Variants in SPTB observed in about 807,000 individuals in gnomAD.
The protein encoded by SPTB is spectrin beta, erythrocytic.
SPTB carries 45 observed loss-of-function variants against 256.2 expected under a neutral mutation model. The ratio of observed to expected loss-of-function variants is 0.18; its 90% CI spans 0.14 to 0.23. The LOEUF is 0.23. SPTB is among the 10% of genes least tolerant of loss of function. The probability of loss-of-function intolerance (pLI) is 1.00; values close to 1 mark genes in which losing one functional copy is unlikely to be tolerated. For synonymous variants in SPTB, 1,231 were observed against 1,243.1 expected, an observed-to-expected ratio of 0.99 and a Z score of 0.21; for missense variants, 2,715 against 3,040.4, an observed-to-expected ratio of 0.89 and a Z score of 2.52.
intron 1 of SPTB, among the ~76,000 whole-genome samples, chr14:64,876,114 G>A (rs1041730038): frequency 6.6e-6 from 1 of 152,020 alleles, no homozygotes; most frequent in Non-Finnish European, 1.5e-5. Flanking sequence ...ATAGGCATAA[G>A]CCACTATACC....
intron 2 of SPTB, among the ~76,000 whole-genome samples, chr14:64,818,564 C>T (rs568726633): frequency 6.6e-6 from 1 of 152,252 alleles, no homozygotes; most frequent in Non-Finnish European, 1.5e-5. Context: ...GGAGTCTGTA[C>T]CCAGGTGCAG....
intron 20 of SPTB, 50 bp downstream of exon 20, chr14:64,782,240 C>T (rs1594769701): frequency 6.2e-7 from 1 of 1,613,718 alleles, no homozygotes; most frequent in Middle Eastern, 1.6e-4. Context: ...AGACTGGCTT[C>T]CACTATCCCT....
intron 28 of SPTB, 114 bp from the exon 29 acceptor site, chr14:64,769,232 A>G: frequency 9.4e-7 from 1 of 1,060,510 alleles, no homozygotes; most frequent in South Asian, 1.3e-5. Flanking sequence ...CCCTGGCTTC[A>G]AGTCTTGGCC....
intron 3 of SPTB, among the ~76,000 whole-genome samples, chr14:64,804,563 T>A (rs760704279): frequency 5.3e-5 from 8 of 151,710 alleles, no homozygotes; most frequent in Non-Finnish European, 1.0e-4. Context: ...CTTGCAAGGG[T>A]GGTAAAACAC....
chr14:64,758,737 CA>C lies in SPTB; in HGVS notation c.6346-4945del, dbSNP rs2082051806. 6.6e-6 allele frequency among the ~76,000 whole-genome samples: 1 copy of C among 152,196 alleles called. No individual in the cohort carries two copies. The highest frequency in any genetic ancestry group is 2.1e-4 in the South Asian group (1 of 4,832). On this transcript the variant is annotated intron_variant, in intron 32 of 35. Coordinates refer to ENST00000644917, the MANE Select transcript of SPTB (RefSeq NM_001355436.2). The surrounding 1 kb of genome is among the most constrained non-coding windows in gnomAD (Gnocchi z 4.6). ...GGGAAAGTGCACAAACAGCAGAGAG[CA>C]AGCTGGAGGGATGGCCAGATGCTGC...
In SPTB at chr14:64,786,249, G is replaced by T. The variant is rs1282373255; in HGVS notation, c.3561+155C>A. Among the ~76,000 whole-genome samples the T allele has an allele frequency of 4.6e-5, 7 of 152,168 alleles. No individual in the cohort carries two copies. Among genetic ancestry groups the T allele is most frequent in the Non-Finnish European group, 5.9e-5 (4 of 68,034 alleles). ...AGTTTGGGACACAAGGCTGGAAAAG[G>T]CCCCTAATGAGAAACAAAGATTTCC... On this transcript the variant is annotated intron_variant, in intron 16 of 35. Transcript: ENST00000644917. This position sits in a 1 kb window ranked among gnomAD's most constrained non-coding sequence, Gnocchi z 5.6.
Position 64,801,839 on chromosome 14 carries a change from A to G in SPTB, c.567-5T>C, listed in dbSNP as rs1454666273. ...GTGACATTAACATGAGGGTAGCTGC[A>G]TCCAAGAGAAACAGTAAGAGCTAAG... On this transcript the variant is annotated splice_region_variant and splice_polypyrimidine_tract_variant and intron_variant, in intron 5 of 35. Coordinates refer to ENST00000644917, the MANE Select transcript of SPTB (RefSeq NM_001355436.2). 1.9e-6 allele frequency: 3 copies of G among 1,613,790 alleles called. No homozygotes were observed. The African/African-American group carries it at 4.0e-5, about 22-fold the overall frequency.
At chr14:64,788,638 C>T (rs781290244) in intron 15 of SPTB, among the ~76,000 whole-genome samples, 1 of 152,170 alleles carries the variant, frequency 6.6e-6, no homozygotes, top group Non-Finnish European at 1.5e-5. Context: ...CTGGCTGTGT[C>T]CCCAGGCAAG....
At chr14:64,804,198 C>G (rs1430282413) in intron 3 of SPTB, among the ~76,000 whole-genome samples, 1 of 152,222 alleles carries the variant, frequency 6.6e-6, no homozygotes, top group African/African-American at 2.4e-5. Flanking sequence ...CAACCTTCTC[C>G]TCTCCCCCAG....
chr14:64,791,931 C>T, intron 14 of SPTB, 75 bp from the exon 15 acceptor site: 1 of 1,591,100 alleles, frequency 6.3e-7, no homozygotes, highest in Non-Finnish European at 8.6e-7. Context: ...CACCCCCAGT[C>T]TCCAGAACAT....
At chr14:64,753,306 A>T (rs2081976851) in intron 33 of SPTB, among the ~76,000 whole-genome samples, 1 of 152,206 alleles carries the variant, frequency 6.6e-6, no homozygotes, top group African/African-American at 2.4e-5. Context: ...AGGTTGAGTA[A>T]CTTGCATGAA....
chr14:64,746,626 G>A lies in SPTB; in HGVS notation c.*2680C>T, dbSNP rs934888081. The A allele has an allele frequency of 6.6e-6, 1 of 152,446 alleles. No individual in the cohort carries two copies. Among genetic ancestry groups the A allele is most frequent in the Non-Finnish European group, 1.5e-5 (1 of 68,080 alleles). The allele number at this position is 152,446 out of a possible 1,614,324, so 9.4% of individuals were successfully genotyped here. On this transcript the variant is annotated 3_prime_UTR_variant, in exon 36 of 36. Transcript: ENST00000644917. This position sits in a 1 kb window ranked among gnomAD's most constrained non-coding sequence, Gnocchi z 4.9. ...AGGAGGGATGCGGAGGAGAGGCTGA[G>A]CCTTCCACGGGCCTCCTGTTAGGGG...
At position 64,844,122 on chromosome 14, in the gene SPTB, G is replaced by C. The variant is rs2083650197; in HGVS notation, c.-51-20977C>G. On this transcript the variant is annotated intron_variant, in intron 1 of 35. Transcript: ENST00000644917. This position sits in a 1 kb window ranked among gnomAD's most constrained non-coding sequence, Gnocchi z 4.1. ...ACCCATCCTCAAAATGGTACACCCA[G>C]GCTGGGTAGAGAATCTTCACGAAGA... Among the ~76,000 whole-genome samples the C allele has an allele frequency of 6.6e-6, 1 of 152,182 alleles. No homozygotes were observed. Among genetic ancestry groups the C allele is most frequent in the Admixed American group, 6.5e-5 (1 of 15,280 alleles).
chr14:64,769,370 G>A (rs2082243083), intron 28 of SPTB, among the ~76,000 whole-genome samples: 1 of 152,198 alleles, frequency 6.6e-6, no homozygotes, highest in Admixed American at 6.5e-5. Flanking sequence ...CCGGTTATGA[G>A]GCTGCTCTCC....
rs2083346644 is a variant in SPTB, at chr14:64,824,458, G to A, written c.-51-1313C>T. Among the ~76,000 whole-genome samples the A allele has an allele frequency of 6.6e-6, 1 of 152,286 alleles. No individual in the cohort carries two copies. The highest frequency in any genetic ancestry group is 1.9e-4 in the East Asian group (1 of 5,182). ...TGGTCTTCAATGCCCTGGACCCTAG[G>A]AAAACTATTAGCTTTCTTCATCTGT... On this transcript the variant is annotated intron_variant, in intron 1 of 35. Transcript: ENST00000644917. The surrounding 1 kb of genome is among the most constrained non-coding windows in gnomAD (Gnocchi z 5.7).
chr14:64,773,093 A>G, intron 25 of SPTB, 127 bp downstream of exon 25: 1 of 1,547,992 alleles, frequency 6.5e-7, no homozygotes. Context: ...GCAGGCCTGC[A>G]TCGGCTGGTC....
chr14:64,768,714 C>T (rs1411013390), intron 29 of SPTB, among the ~76,000 whole-genome samples: 3 of 152,036 alleles, frequency 2.0e-5, no homozygotes, highest in African/African-American at 4.8e-5. Context: ...GCCCCTCCCC[C>T]GGGCCCCCAA....
intron 33 of SPTB, among the ~76,000 whole-genome samples, chr14:64,751,103 TATATA>T (rs1333604509): frequency 6.8e-6 from 1 of 146,344 alleles, no homozygotes; most frequent in East Asian, 1.9e-4. Context: ...ATACATAATA[TATATA>T]ATATATAATA....
At chr14:64,773,155 G>T (rs1174098185) in intron 25 of SPTB, 65 bp downstream of exon 25, 1 of 1,602,084 alleles carries the variant, frequency 6.2e-7, no homozygotes, top group Non-Finnish European at 8.5e-7. Context: ...TGTGTCTTGA[G>T]TGACGGCTGG....
Sources: gnomAD v4.1 joint callset for allele counts (sites outside exome capture counted in the v4.1 genomes callset) on GRCh38, gnomAD v4.1.1 for gene constraint, Gnocchi (gnomAD v3.1) non-coding constraint, MANE v1.5 for transcripts, NCBI Gene and HGNC (gene_info 2026-07-23, HGNC 2026-07-21) for gene names.